ADTRP: variants seen among roughly 807,000 people sequenced by gnomAD.
ADTRP encodes the protein androgen-dependent TFPI-regulating protein.
In ADTRP, 20 loss-of-function variants were observed where a neutral mutation model predicts 27.0. The observed-to-expected ratio is 0.74, with a 90% CI of 0.52 to 1.08. ADTRP has a LOEUF of 1.08. ADTRP is among the 50% of genes least tolerant of loss of function. ADTRP has a pLI of 0.00. For synonymous variants in ADTRP, 101 were observed against 105.2 expected, an observed-to-expected ratio of 0.96 and a Z score of 0.25; for missense variants, 251 against 275.0, an observed-to-expected ratio of 0.91 and a Z score of 0.62.
chr6:11,739,527 T>G (rs886291445), intron 3 of ADTRP, among the ~76,000 whole-genome samples: 2 of 152,218 alleles, frequency 1.3e-5, no homozygotes, highest in Non-Finnish European at 2.9e-5. Context: ...AAGTATTGAT[T>G]TAAGTATTAG....
At chr6:11,737,000 A>G (rs1187546332) in intron 3 of ADTRP, among the ~76,000 whole-genome samples, 2 of 151,902 alleles carry the variant, frequency 1.3e-5, no homozygotes, top group Non-Finnish European at 2.9e-5. Context: ...CCTTAACAGT[A>G]GAGTTTTTAA....
chr6:11,724,062 A>AAAACAAACAAACAAAC (rs34211710), intron 4 of ADTRP, among the ~76,000 whole-genome samples: 35 of 149,904 alleles, frequency 2.3e-4, no homozygotes, highest in African/African-American at 8.3e-4. Context: ...CTTTGTCTCA[A>AAAACAAACAAACAAAC]AAACAAACAA....
intron 1 of ADTRP, among the ~76,000 whole-genome samples, chr6:11,775,441 G>C (rs1763921205): frequency 6.6e-6 from 1 of 152,008 alleles, no homozygotes; most frequent in South Asian, 2.1e-4. Context: ...CCTAGCCCAG[G>C]GTCTCGGGGG....
chr6:11,721,234 C>T (rs1020505910), intron 5 of ADTRP, among the ~76,000 whole-genome samples: 6 of 152,104 alleles, frequency 3.9e-5, no homozygotes, highest in Non-Finnish European at 4.4e-5. Flanking sequence ...CACAGAATCC[C>T]GTGGACGTAA....
At chr6:11,734,630 A>T (rs1444166615) in intron 4 of ADTRP, among the ~76,000 whole-genome samples, 1 of 152,178 alleles carries the variant, frequency 6.6e-6, no homozygotes, top group Non-Finnish European at 1.5e-5. Flanking sequence ...CTGGGCACCA[A>T]GTTTATTTGC....
chr6:11,718,475 G>A (rs1302416657), intron 5 of ADTRP, among the ~76,000 whole-genome samples: 1 of 152,194 alleles, frequency 6.6e-6, no homozygotes, highest in Admixed American at 6.5e-5. Context: ...CACATAAGGG[G>A]CAGAGAAGGG....
chr6:11,766,169 G>T, intron 3 of ADTRP, 105 bp downstream of exon 3: 3 of 794,516 alleles, frequency 3.8e-6, no homozygotes, highest in East Asian at 2.7e-5. Flanking sequence ...GAGGTAGATT[G>T]GATGCTGGGA....
chr6:11,774,275 C>T (rs1294637930), intron 1 of ADTRP, among the ~76,000 whole-genome samples: 1 of 150,476 alleles, frequency 6.6e-6, no homozygotes, highest in African/African-American at 2.4e-5. Context: ...TGCCACTGCA[C>T]TCCAGCCTGG....
intron 3 of ADTRP, among the ~76,000 whole-genome samples, chr6:11,738,938 A>G (rs1338839539): frequency 6.6e-6 from 1 of 152,204 alleles, no homozygotes; most frequent in Non-Finnish European, 1.5e-5. Context: ...GCGGCAGTGA[A>G]GAGCTAAACA....
At chr6:11,739,107 C>A (rs886345564) in intron 3 of ADTRP, among the ~76,000 whole-genome samples, 2 of 151,614 alleles carry the variant, frequency 1.3e-5, no homozygotes, top group African/African-American at 4.8e-5. Flanking sequence ...TCCAAAAAAT[C>A]TAATAATTAG....
intron 5 of ADTRP, among the ~76,000 whole-genome samples, chr6:11,721,869 C>T (rs1762034412): frequency 6.6e-6 from 1 of 152,018 alleles, no homozygotes; most frequent in African/African-American, 2.4e-5. Flanking sequence ...TTTTTTAATT[C>T]AATGGATGTT....
intron 3 of ADTRP, chr6:11,738,641 T>C (rs994043401): frequency 6.6e-6 from 1 of 152,268 alleles, no homozygotes; most frequent in Non-Finnish European, 1.5e-5. Flanking sequence ...TAATGTAGTG[T>C]GTTCGCGTTA....
intron 2 of ADTRP, among the ~76,000 whole-genome samples, 192 bp from the exon 3 acceptor site, chr6:11,766,567 C>T (rs1763579734): frequency 6.6e-6 from 1 of 152,204 alleles, no homozygotes; most frequent in Non-Finnish European, 1.5e-5. Flanking sequence ...TATTTCATTG[C>T]TATATCTGCT....
At chr6:11,726,626 A>G (rs1370514457) in intron 4 of ADTRP, among the ~76,000 whole-genome samples, 4 of 152,190 alleles carry the variant, frequency 2.6e-5, no homozygotes, top group Admixed American at 2.0e-4. Context: ...AATCTCTGAT[A>G]TCCTTTTATA....
chr6:11,750,440 A>T (rs1254276727), intron 3 of ADTRP, among the ~76,000 whole-genome samples: 1 of 152,248 alleles, frequency 6.6e-6, no homozygotes, highest in Non-Finnish European at 1.5e-5. Context: ...CAATCCTGAG[A>T]CTTTAATAAT....
chr6:11,718,692 C>T (rs1761913852), intron 5 of ADTRP, among the ~76,000 whole-genome samples: 1 of 152,194 alleles, frequency 6.6e-6, no homozygotes, highest in Admixed American at 6.5e-5. Context: ...TTGAATCTTT[C>T]TTGGGGGATG....
At chr6:11,744,001 A>G (rs1762793063) in intron 3 of ADTRP, among the ~76,000 whole-genome samples, 1 of 152,192 alleles carries the variant, frequency 6.6e-6, no homozygotes, top group Admixed American at 6.5e-5. Context: ...CTCATGTTGA[A>G]ATTTGATCTC....
intron 1 of ADTRP, chr6:11,770,047 G>A: frequency 1.3e-6 from 2 of 1,551,664 alleles, no homozygotes; most frequent in Non-Finnish European, 1.7e-6. Context: ...AAAGCTTCCT[G>A]GCTGGTAGAT....
intron 5 of ADTRP, among the ~76,000 whole-genome samples, chr6:11,715,806 C>CTTT (rs55961408): frequency 3.6e-4 from 28 of 77,706 alleles, no homozygotes; most frequent in Non-Finnish European, 5.3e-4. Context: ...CCATGCCCAG[C>CTTT]TTTTTTTTTT....
Sources: gnomAD v4.1 joint callset for allele counts (sites outside exome capture counted in the v4.1 genomes callset) on GRCh38, gnomAD v4.1.1 for gene constraint, MANE v1.5 for transcripts, NCBI Gene and HGNC (gene_info 2026-07-23, HGNC 2026-07-21) for gene names.